Variants in HK3 observed in about 807,000 individuals in gnomAD.
HK3 encodes hexokinase 3.
A neutral mutation model predicts 91.0 loss-of-function variants in HK3; 93 were observed. The ratio of observed to expected loss-of-function variants is 1.02; its 90% CI spans 0.86 to 1.21. The LOEUF (loss-of-function observed/expected upper bound fraction) is 1.21. Ranked by LOEUF, HK3 falls within the 50% of genes most tolerant of loss-of-function variation. The pLI is 0.00. For synonymous variants in HK3, 519 were observed against 516.9 expected (o/e 1.00, Z -0.06); for missense variants, 1,235 against 1,247.4 (o/e 0.99, Z 0.15).
At position 176,894,940 on chromosome 5, in the gene HK3, C is replaced by A. The variant is rs558452962; in HGVS notation, c.96+1124G>T. On this transcript the variant is annotated intron_variant, in intron 2 of 18. Transcript: ENST00000292432. ...TACAGGCGCCTGCCACCATGCCCAG[C>A]TAATTTTTTGTATTTTTTAGTACAG... 4.5e-3 allele frequency among the ~76,000 whole-genome samples: 675 copies of A among 150,638 alleles called. 3 individuals are homozygous for A. The highest frequency in any genetic ancestry group is 0.016 in the African/African-American group (650 of 40,974).
intron 6 of HK3, 95 bp from the exon 7 acceptor site, chr5:176,889,839 A>T: frequency 1.1e-6 from 1 of 933,122 alleles, no homozygotes; most frequent in Admixed American, 1.9e-5. Context: ...GCTTTGAAGG[A>T]GATACATAGA....
Position 176,888,488 on chromosome 5 carries a change from A to G in HK3, c.1148T>C (p.Leu383Pro). The change falls in exon 10 of 19, where the codon CTT becomes CCT. Residue 383 changes from leucine (L) to proline (P), a missense_variant. Transcript: ENST00000292432. ...GLSPGASDVE[L>P]VQHVCAAVCT... ...CACGGCCGCACAGACGTGCTGCACA[A>G]GCTCAACATCCGAAGCCCCAGGGCT... is the stretch of plus-strand genomic sequence containing the variant. 1 of 1,553,934 alleles carries G rather than the reference A, an allele frequency of 6.4e-7. No homozygotes were observed. The highest frequency in any genetic ancestry group is 8.7e-7 in the Non-Finnish European group (1 of 1,148,108).
rs778604405 is a variant in HK3 at position 176,881,497 on chromosome 5, T to C, written c.2432A>G (p.Glu811Gly). ...LALRQVRAIL[E>G]DLGLPLTSDD... ...TGAGGTCAGGGGTAGCCCCAGATCC[T>C]CTAGGATGGCTCGGACCTGCCGCAG... Residue 811 changes from glutamate to glycine, a missense_variant, in exon 18 of 19, where the codon GAG (glutamate) becomes GGG (glycine). Glu to Gly is a moderately conservative substitution (Grantham distance 98). Coordinates refer to ENST00000292432, the MANE Select transcript of HK3 (RefSeq NM_002115.3). The C allele has an allele frequency of 6.7e-5, 108 of 1,606,290 alleles. No individual in the cohort carries two copies. In the South Asian group the frequency reaches 8.1e-4, roughly 12 times the overall value.
intron 6 of HK3, among the ~76,000 whole-genome samples, chr5:176,890,280 C>T (rs1057180906): frequency 9.9e-5 from 15 of 152,206 alleles, no homozygotes; most frequent in African/African-American, 3.1e-4. Context: ...GTGCTTCCTC[C>T]GTAGTGCTCC....
At chr5:176,891,881 C>T (rs974389276) in intron 2 of HK3, among the ~76,000 whole-genome samples, 10 of 152,196 alleles carry the variant, frequency 6.6e-5, no homozygotes, top group Non-Finnish European at 1.3e-4. Flanking sequence ...CTCTGGCTCC[C>T]CAGGACCCAC....
In HK3 at chr5:176,888,905, C is replaced by T. The variant is rs371383869; in HGVS notation, c.915-41G>A. The T allele has an allele frequency of 2.3e-5, 36 of 1,597,436 alleles. No individual in the cohort carries two copies. In the East Asian group the frequency reaches 6.0e-4, roughly 27 times the overall value. The stretch of plus-strand genomic sequence containing the variant: ...GTGGCTGGAGGAAGCCTTTTCTAAG[C>T]CCTCAGTCCACCTGGCCCTACCTCC... On this transcript the variant is annotated intron_variant, in intron 8 of 18. Transcript: ENST00000292432.
rs534170969 is a variant in HK3, at chr5:176,881,043, G to A, written c.*30C>T. ...CCCGACCCGGCTCCAGCAAGGCTGC[G>A]GCGGAGACCTCCTCAGCCTGGAGGT... On this transcript the variant is annotated 3_prime_UTR_variant, in exon 19 of 19. Transcript: ENST00000292432. 29 of 1,567,578 alleles carry A rather than the reference G, an allele frequency of 1.8e-5. No homozygotes were observed. Among genetic ancestry groups the A allele is most frequent in the Middle Eastern group, 2.0e-4 (1 of 4,974 alleles).
chr5:176,882,308 C>T (rs1396031191), intron 15 of HK3, among the ~76,000 whole-genome samples, 181 bp from the exon 16 acceptor site: 1 of 152,186 alleles, frequency 6.6e-6, no homozygotes, highest in East Asian at 1.9e-4. Context: ...CCTGCCAGCT[C>T]CAAGCCCTGG....
Position 176,884,758 on chromosome 5 carries a change from T to C in HK3, c.1858-624A>G, listed in dbSNP as rs1228677395. Among the ~76,000 whole-genome samples the C allele has an allele frequency of 1.3e-5, 2 of 152,166 alleles. No homozygotes were observed. Among genetic ancestry groups the C allele is most frequent in the African/African-American group, 2.4e-5 (1 of 41,444 alleles). ...CTCAACTTTACCTGGAAAGGAATGC[T>C]GTTTTCTTAGTGTGCGTCCTCTGAG... On this transcript the variant is annotated intron_variant, in intron 13 of 18. Coordinates refer to ENST00000292432, the MANE Select transcript of HK3 (RefSeq NM_002115.3). The surrounding 1 kb of genome is among the most constrained non-coding windows in gnomAD (Gnocchi z 4.1).
intron 6 of HK3, 22 bp from the exon 7 acceptor site, chr5:176,889,766 G>A (rs1384706164): frequency 1.9e-6 from 3 of 1,605,816 alleles, no homozygotes; most frequent in African/African-American, 2.7e-5. Flanking sequence ...AGAGGGCAGA[G>A]GTCAAGGCTG....
rs1013797116 is a variant in HK3, at chr5:176,881,042, C to G, written c.*31G>C. On this transcript the variant is annotated 3_prime_UTR_variant, in exon 19 of 19. Coordinates refer to ENST00000292432, the MANE Select transcript of HK3 (RefSeq NM_002115.3). The stretch of plus-strand genomic sequence containing the variant: ...CCCCGACCCGGCTCCAGCAAGGCTG[C>G]GGCGGAGACCTCCTCAGCCTGGAGG... 2 of 1,563,798 alleles carry G rather than the reference C, an allele frequency of 1.3e-6. No individual in the cohort carries two copies. The highest frequency in any genetic ancestry group is 1.7e-6 in the Non-Finnish European group (2 of 1,155,994).
intron 18 of HK3, 33 bp from the exon 19 acceptor site, chr5:176,881,250 A>G (rs776362914): frequency 2.0e-5 from 33 of 1,612,984 alleles, no homozygotes; most frequent in Non-Finnish European, 2.8e-5. Context: ...AGCCCAGGCC[A>G]CCAGCCCCAC....
In HK3 at chr5:176,882,229, C is replaced by G. The variant is rs1019243795; in HGVS notation, c.2054-102G>C. 7.5e-5 allele frequency: 90 copies of G among 1,207,986 alleles called. 1 individual carries two copies. The East Asian group carries it at 1.6e-3, about 21-fold the overall frequency. 74.8% of individuals were successfully genotyped at this position (1,207,986 alleles called of 1,614,324 possible). The stretch of plus-strand genomic sequence containing the variant: ...TGGCAACGATTCGGGCTCACTCTCT[C>G]TACCTCTCATGCTCACAGCCTGTCC... On this transcript the variant is annotated intron_variant, in intron 15 of 18. Coordinates refer to ENST00000292432, the MANE Select transcript of HK3 (RefSeq NM_002115.3).
intron 13 of HK3, among the ~76,000 whole-genome samples, chr5:176,885,097 A>G (rs1191886244): frequency 6.6e-6 from 1 of 152,158 alleles, no homozygotes; most frequent in Non-Finnish European, 1.5e-5. Flanking sequence ...CAAAGGGGGA[A>G]GTCAGACCCA....
At position 176,888,839 on chromosome 5, in the gene HK3, A is replaced by ACAGG; in HGVS notation, c.936_939dup (p.Tyr314ProfsTer5). 3 of 1,614,182 alleles carry ACAGG rather than the reference A, an allele frequency of 1.9e-6. No homozygotes were observed. The highest frequency in any genetic ancestry group is 2.5e-6 in the Non-Finnish European group (3 of 1,180,012). On this transcript the variant is annotated frameshift_variant, in exon 9 of 19. Transcript: ENST00000292432. LOFTEE classifies it high-confidence loss of function. Reference sequence around the variant, plus strand: ...ACCAGCCGCACCAGCTCACCCAGGTACAGGCCTCCGATCATCTTCTCAAAC... The same window carrying ACAGG: ...ACCAGCCGCACCAGCTCACCCAGGTACAGGCAGGCCTCCGATCATCTTCTCAAAC...
chr5:176,889,338 G>C (rs1561682485), intron 8 of HK3, 43 bp downstream of exon 8: 2 of 1,593,152 alleles, frequency 1.3e-6, no homozygotes. Context: ...AGCAGTCATA[G>C]ACAGGGCCTG....
Position 176,889,439 on chromosome 5 carries a change from C to A in HK3, c.856G>T (p.Val286Leu), listed in dbSNP as rs1298729203. 6.2e-7 allele frequency: 1 copy of A among 1,614,210 alleles called. No individual in the cohort carries two copies. The highest frequency in any genetic ancestry group is 1.7e-5 in the Admixed American group (1 of 60,032). Reference sequence around the variant, plus strand: ...AGGGTATGGTCGAAGGTGGTCAGCACTGGTCCCAGCGCCCCATCATCGCTG... The same window carrying A: ...AGGGTATGGTCGAAGGTGGTCAGCAATGGTCCCAGCGCCCCATCATCGCTG... ...SFSDDGALGPVLTTFDHTLDH... is the reference protein window; with the variant it reads ...SFSDDGALGPLLTTFDHTLDH... Residue 286 changes from valine to leucine, a missense_variant, in exon 8 of 19, where the codon GTG becomes TTG. Coordinates refer to ENST00000292432, the MANE Select transcript of HK3 (RefSeq NM_002115.3).
In HK3 at chr5:176,884,969, T is replaced by C. The variant is rs1758545245; in HGVS notation, c.1858-835A>G. 6.6e-6 allele frequency among the ~76,000 whole-genome samples: 1 copy of C among 152,174 alleles called. No homozygotes were observed. Among genetic ancestry groups the C allele is most frequent in the South Asian group, 2.1e-4 (1 of 4,834 alleles). On this transcript the variant is annotated intron_variant, in intron 13 of 18. Transcript: ENST00000292432. The surrounding 1 kb of genome is among the most constrained non-coding windows in gnomAD (Gnocchi z 4.1). ...GTTTTTTATTGTCCTAGGCTCATTG[T>C]CTCAAAAACAGAAAGCAGAGAATGT...
At chr5:176,886,938 A>C in intron 13 of HK3, 64 bp downstream of exon 13, 2 of 1,591,878 alleles carry the variant, frequency 1.3e-6, no homozygotes, top group Non-Finnish European at 8.6e-7. Flanking sequence ...CCTCCTGCCC[A>C]CTCCATGAAG....
Sources: gnomAD v4.1 joint callset for allele counts (sites outside exome capture counted in the v4.1 genomes callset) on GRCh38, gnomAD v4.1.1 for gene constraint, Gnocchi (gnomAD v3.1) non-coding constraint, MANE v1.5 for transcripts, NCBI Gene and HGNC (gene_info 2026-07-23, HGNC 2026-07-21) for gene names.